Variants in KCTD1 observed in about 807,000 individuals in gnomAD.
KCTD1 encodes the protein BTB/POZ domain-containing protein KCTD1.
KCTD1 carries 24 observed loss-of-function variants against 66.0 expected under a neutral mutation model. The ratio of observed to expected loss-of-function variants is 0.36; its 90% CI spans 0.26 to 0.51. KCTD1 has a LOEUF of 0.51. Ranked by LOEUF, KCTD1 falls within the 20% of genes least tolerant of loss-of-function variation. KCTD1 has a pLI of 0.95. For missense variants in KCTD1, 943 were observed against 1,205.2 expected, an observed-to-expected ratio of 0.78 and a Z score of 3.22; for synonymous variants, 511 against 517.2, an observed-to-expected ratio of 0.99 and a Z score of 0.16.
intron 1 of KCTD1, among the ~76,000 whole-genome samples, chr18:26,650,898 C>A (rs768396597): frequency 1.6e-4 from 25 of 152,260 alleles, no homozygotes; most frequent in Non-Finnish European, 3.2e-4. Flanking sequence ...CGTTAACATT[C>A]TCTTCAGTTC....
chr18:26,656,561 A>T (rs2096574676), intron 1 of KCTD1, among the ~76,000 whole-genome samples: 1 of 149,704 alleles, frequency 6.7e-6, no homozygotes, highest in Non-Finnish European at 1.5e-5. Context: ...AGCGCCGGGC[A>T]CCGGCCGCGG....
upstream of KCTD1, among the ~76,000 whole-genome samples, chr18:26,632,405 A>T (rs1273293148): frequency 1.3e-5 from 2 of 152,206 alleles, no homozygotes; most frequent in Non-Finnish European, 2.9e-5. Flanking sequence ...TAATAAAATT[A>T]AAAAACAAAA....
chr18:26,621,805 T>C (rs1987392431), intron 1 of KCTD1, among the ~76,000 whole-genome samples: 3 of 152,156 alleles, frequency 2.0e-5, no homozygotes, highest in Admixed American at 2.0e-4. Context: ...AGAAAACACA[T>C]TTTTTGTTTT....
At chr18:26,484,472 G>C (rs150253223) in intron 2 of KCTD1, among the ~76,000 whole-genome samples, 129 of 152,248 alleles carry the variant, frequency 8.5e-4, no homozygotes, top group African/African-American at 3.1e-3. Context: ...GCGTTTTGTA[G>C]AATCCATCAC....
rs1212136467 is a variant in KCTD1 at position 26,547,956 on chromosome 18, G to A, written c.581C>T (p.Pro194Leu). 5 of 1,542,318 alleles carry A rather than the reference G, an allele frequency of 3.2e-6. No individual in the cohort carries two copies. Among genetic ancestry groups the A allele is most frequent in the Non-Finnish European group, 4.4e-6 (5 of 1,146,546 alleles). ...CCCCTTGTCCATGGTCTCGAAGTCC[G>A]GGCTCTGCGCCTTCTCGCTCAGGTA... ...REYLSEKAQSPDFETMDKGAL... is the reference protein window; with the variant it reads ...REYLSEKAQSLDFETMDKGAL... Residue 194 changes from proline to leucine, a missense_variant, in exon 1 of 5, where the codon CCG becomes CTG. Physicochemically the swap from Pro to Leu is moderately conservative, Grantham distance 98 (BLOSUM62 -3). Transcript: ENST00000580059.
At chr18:26,505,083 T>C (rs1982961952) in intron 1 of KCTD1, among the ~76,000 whole-genome samples, 1 of 152,276 alleles carries the variant, frequency 6.6e-6, no homozygotes, top group Non-Finnish European at 1.5e-5. Context: ...TTTGTAAAGC[T>C]AGTTTGAAAT....
chr18:26,578,057 C>CCTT (rs1986268239), intron 1 of KCTD1, among the ~76,000 whole-genome samples: 1 of 117,048 alleles, frequency 8.5e-6, no homozygotes, highest in African/African-American at 3.4e-5. Context: ...TCTTTTCTTT[C>CCTT]TTTTTTTTTT....
At chr18:26,489,877 A>C (rs1982104434) in intron 2 of KCTD1, among the ~76,000 whole-genome samples, 1 of 152,248 alleles carries the variant, frequency 6.6e-6, no homozygotes, top group Non-Finnish European at 1.5e-5. Context: ...GTAAGAGATT[A>C]TCTGAATCTT....
At chr18:26,539,870 T>C (rs1984893102) in intron 1 of KCTD1, among the ~76,000 whole-genome samples, 1 of 152,234 alleles carries the variant, frequency 6.6e-6, no homozygotes, top group South Asian at 2.1e-4. Context: ...ATGAAGGATT[T>C]TTTCAAATAT....
chr18:26,588,301 A>AGGGAAGGGAAGGGAAGGGAAG, intron 1 of KCTD1, among the ~76,000 whole-genome samples: 2 of 144,580 alleles, frequency 1.4e-5, no homozygotes, highest in Non-Finnish European at 3.1e-5. Context: ...AGGGAAAGGA[A>AGGGAAGGGAAGGGAAGGGAAG]GGGAAGGGAA....
In KCTD1 at chr18:26,503,503, CACACACACACAG is replaced by C. The variant is rs147601098; in HGVS notation, c.1810-2265_1810-2254del. 2.8e-4 allele frequency among the ~76,000 whole-genome samples: 42 copies of C among 151,980 alleles called. No individual in the cohort carries two copies. In the East Asian group the frequency reaches 6.2e-3, roughly 22 times the overall value. Reference sequence around the variant, plus strand: ...GATTTCCTGGCTACGGACACACAAACACACACACACAGGCACACACACACCTCCCTCCCTGTT... The same window carrying C: ...GATTTCCTGGCTACGGACACACAAACGCACACACACACCTCCCTCCCTGTT... On this transcript the variant is annotated intron_variant, in intron 1 of 4. Transcript: ENST00000580059.
intron 1 of KCTD1, among the ~76,000 whole-genome samples, chr18:26,526,260 C>G (rs1043810746): frequency 1.3e-5 from 2 of 152,254 alleles, no homozygotes; most frequent in South Asian, 2.1e-4. Context: ...TGGGGAGCAG[C>G]AGGAGGAGGG....
At chr18:26,605,724 ATATCTATCTATC>A (rs10680402) in intron 1 of KCTD1, among the ~76,000 whole-genome samples, 14,197 of 136,014 alleles carry the variant, frequency 0.1, 792 homozygotes, top group Admixed American at 0.15. Flanking sequence ...ATATATCTCT[ATATCTATCTATC>A]TATCTATCTA....
intron 1 of KCTD1, among the ~76,000 whole-genome samples, chr18:26,514,373 T>C (rs1053533462): frequency 2.6e-5 from 4 of 151,938 alleles, no homozygotes; most frequent in Non-Finnish European, 5.9e-5. Flanking sequence ...GGCAACACAG[T>C]GAGACCCTGT....
intron 3 of KCTD1, among the ~76,000 whole-genome samples, chr18:26,467,282 C>G (rs948250102): frequency 6.6e-6 from 1 of 152,010 alleles, no homozygotes; most frequent in Non-Finnish European, 1.5e-5. Flanking sequence ...CTTTGAGAGG[C>G]CAAGGCAGGA....
intron 1 of KCTD1, among the ~76,000 whole-genome samples, chr18:26,504,217 G>A (rs1052644838): frequency 3.3e-4 from 50 of 152,158 alleles, no homozygotes; most frequent in Admixed American, 7.9e-4. Flanking sequence ...CTACAGGTAC[G>A]TGCCACCACG....
rs909331844 is a variant in KCTD1, at chr18:26,468,707, G to A, written c.2133+7808C>T. Among the ~76,000 whole-genome samples, 11 of 151,796 alleles carry A rather than the reference G, an allele frequency of 7.2e-5. No individual in the cohort carries two copies. Among genetic ancestry groups the A allele is most frequent in the African/African-American group, 1.9e-4 (8 of 41,162 alleles). ...ATTAGTGTGCCTGTGGCGTGGTGGC[G>A]TGTGGTGGCGTGTGCCTGTAGTCCA... On this transcript the variant is annotated intron_variant, in intron 3 of 4. Coordinates refer to ENST00000580059, the MANE Select transcript of KCTD1 (RefSeq NM_001142730.3). This position sits in a 1 kb window ranked among gnomAD's most constrained non-coding sequence, Gnocchi z 4.8.
At chr18:26,621,165 A>G (rs540848665) in intron 1 of KCTD1, among the ~76,000 whole-genome samples, 3 of 152,308 alleles carry the variant, frequency 2.0e-5, no homozygotes, top group Admixed American at 6.5e-5. Flanking sequence ...ATGCTGAAGA[A>G]TTTATTTCTT....
At chr18:26,597,587 T>C (rs1381428418) in intron 1 of KCTD1, among the ~76,000 whole-genome samples, 1 of 151,822 alleles carries the variant, frequency 6.6e-6, no homozygotes, top group Non-Finnish European at 1.5e-5. Context: ...GCTTCCTAAC[T>C]CTTTCCACTG....
Sources: gnomAD v4.1 joint callset for allele counts (sites outside exome capture counted in the v4.1 genomes callset) on GRCh38, gnomAD v4.1.1 for gene constraint, Gnocchi (gnomAD v3.1) non-coding constraint, MANE v1.5 for transcripts, NCBI Gene and HGNC (gene_info 2026-07-23, HGNC 2026-07-21) for gene names.